Variants in EDDM13 observed in about 807,000 individuals in gnomAD.
The protein encoded by EDDM13 is epididymal protein 13.
Under a neutral mutation model 17.8 loss-of-function variants are expected in EDDM13, and 24 were observed. That is an observed-to-expected ratio of 1.35 (90% CI 0.98 to 1.90). EDDM13 has a LOEUF of 1.90. Ranked by LOEUF, EDDM13 falls within the 40% of genes most tolerant of loss-of-function variation. The probability of loss-of-function intolerance (pLI) is 0.00; values close to 1 mark genes in which losing one functional copy is unlikely to be tolerated. For missense variants in EDDM13, 97 were observed against 100.8 expected, an observed-to-expected ratio of 0.96 and a Z score of 0.16; for synonymous variants, 31 against 37.5, an observed-to-expected ratio of 0.83 and a Z score of 0.63.
At chr19:56,304,885 G>A in intron 14 of EDDM13, 55 bp downstream of exon 14, 1 of 760,176 alleles carries the variant, frequency 1.3e-6, no homozygotes, top group Non-Finnish European at 1.6e-6. Context: ...GGTTAGGGGA[G>A]GTTCATCCCA....
chr19:56,281,738 C>G, intron 3 of EDDM13, 40 bp downstream of exon 3: 2 of 982,120 alleles, frequency 2.0e-6, no homozygotes, highest in Non-Finnish European at 2.4e-6. Context: ...ATGGGGAGCC[C>G]GCCCTTCAAC....
At chr19:56,309,803 G>T (rs2040920091) in intron 14 of EDDM13, among the ~76,000 whole-genome samples, 1 of 152,200 alleles carries the variant, frequency 6.6e-6, no homozygotes, top group African/African-American at 2.4e-5. Context: ...GAACTGGAGG[G>T]GGCGCTGCTT....
chr19:56,298,902 C>G (rs1234112649), intron 12 of EDDM13, among the ~76,000 whole-genome samples: 1 of 152,128 alleles, frequency 6.6e-6, no homozygotes, highest in Admixed American at 6.5e-5. Context: ...AAATTTCAGG[C>G]CAATCTTCCT....
At chr19:56,305,872 C>T (rs971736986) in intron 14 of EDDM13, among the ~76,000 whole-genome samples, 2 of 151,552 alleles carry the variant, frequency 1.3e-5, no homozygotes, top group East Asian at 1.9e-4. Context: ...ACACAGAAAA[C>T]AAGTGAAAGA....
At chr19:56,299,157 G>A (rs1426050283) in intron 12 of EDDM13, among the ~76,000 whole-genome samples, 1 of 151,442 alleles carries the variant, frequency 6.6e-6, no homozygotes, top group Non-Finnish European at 1.5e-5. Context: ...TTTGAGACAC[G>A]GTCTAGCTTT....
chr19:56,275,916 G>C lies in EDDM13; in HGVS notation c.86-176G>C, dbSNP rs550440843. Among the ~76,000 whole-genome samples, 5 of 152,336 alleles carry C rather than the reference G, an allele frequency of 3.3e-5. No homozygotes were observed. The South Asian group carries it at 1.0e-3, about 32-fold the overall frequency. ...GAATGGACTTATCGATGGATGGATG[G>C]GCTGATAGATGGGCCCGAGTAGCTT... On this transcript the variant is annotated intron_variant, in intron 1 of 14. Transcript: ENST00000649256.
At chr19:56,297,932 C>G (rs1048549612) in intron 12 of EDDM13, 1 of 152,004 alleles carries the variant, frequency 6.6e-6, no homozygotes, top group Admixed American at 6.6e-5. Flanking sequence ...TAGGCAGAGC[C>G]GGGCATGGTG....
intron 7 of EDDM13, among the ~76,000 whole-genome samples, 102 bp from the exon 8 acceptor site, chr19:56,288,772 G>A (rs970455610): frequency 6.6e-6 from 1 of 152,190 alleles, no homozygotes; most frequent in Non-Finnish European, 1.5e-5. Flanking sequence ...ACTGGTCAGG[G>A]ATGCTTAGTC....
chr19:56,279,199 C>T (rs1163624292), intron 2 of EDDM13, among the ~76,000 whole-genome samples: 1 of 152,158 alleles, frequency 6.6e-6, no homozygotes, highest in Non-Finnish European at 1.5e-5. Flanking sequence ...ATCTCAGGGA[C>T]CACCTCCCAC....
chr19:56,295,778 A>T (rs963127979), intron 9 of EDDM13, 181 bp from the exon 10 acceptor site: 4 of 152,440 alleles, frequency 2.6e-5, no homozygotes, highest in African/African-American at 9.7e-5. Context: ...ACTACTCAGC[A>T]CGACCCACCC....
chr19:56,301,834 G>A, intron 12 of EDDM13, 134 bp from the exon 13 acceptor site: 1 of 1,069,972 alleles, frequency 9.3e-7, no homozygotes, highest in Non-Finnish European at 1.2e-6. Context: ...TGGTGGGTGT[G>A]GACCAAAATT....
At chr19:56,275,274 C>G (rs911838235) in intron 1 of EDDM13, among the ~76,000 whole-genome samples, 7 of 152,188 alleles carry the variant, frequency 4.6e-5, no homozygotes, top group Admixed American at 2.0e-4. Context: ...GTGGATCTTG[C>G]TGCAGAAATG....
At chr19:56,305,541 C>T (rs1200712932) in intron 14 of EDDM13, among the ~76,000 whole-genome samples, 2 of 152,128 alleles carry the variant, frequency 1.3e-5, no homozygotes, top group African/African-American at 4.8e-5. Context: ...GTGCTATGAA[C>T]AAGTTATGTT....
At chr19:56,291,700 T>G (rs2039520080) in intron 9 of EDDM13, among the ~76,000 whole-genome samples, 1 of 151,934 alleles carries the variant, frequency 6.6e-6, no homozygotes, top group Admixed American at 6.6e-5. Flanking sequence ...CCAAGGGAGG[T>G]CCACTCTTAG....
intron 6 of EDDM13, chr19:56,286,352 A>C (rs2147111602): frequency 6.6e-6 from 1 of 152,232 alleles, no homozygotes. Context: ...TGGTGGCCAA[A>C]AAACACTGCC....
intron 2 of EDDM13, among the ~76,000 whole-genome samples, chr19:56,276,860 A>G (rs908049548): frequency 2.0e-5 from 3 of 152,012 alleles, no homozygotes; most frequent in African/African-American, 4.8e-5. Context: ...ATTGATATTT[A>G]CCTTATTGTA....
intron 12 of EDDM13, among the ~76,000 whole-genome samples, chr19:56,298,669 C>T: frequency 6.7e-6 from 1 of 148,816 alleles, no homozygotes; most frequent in Middle Eastern, 3.2e-3. Flanking sequence ...AAAAAAAAAT[C>T]TGAATAATCC....
chr19:56,302,156 T>G, intron 13 of EDDM13, 61 bp downstream of exon 13: 1 of 1,181,088 alleles, frequency 8.5e-7, no homozygotes, highest in Non-Finnish European at 1.1e-6. Flanking sequence ...AGGAGGGAAG[T>G]GGGGGCACAG....
chr19:56,293,433 T>G (rs2039650527), intron 9 of EDDM13, among the ~76,000 whole-genome samples: 1 of 152,182 alleles, frequency 6.6e-6, no homozygotes, highest in African/African-American at 2.4e-5. Context: ...ATCCCTACAC[T>G]GGAAGTATTA....
Sources: allele counts gnomAD v4.1 joint callset (sites outside exome capture counted in the v4.1 genomes callset), GRCh38; gene constraint gnomAD v4.1.1; transcripts MANE v1.5; gene names NCBI Gene and HGNC (gene_info 2026-07-23, HGNC 2026-07-21).